RASEF: variants seen among roughly 807,000 people sequenced by gnomAD.
RASEF encodes RAS and EF-hand domain containing.
RASEF carries 68 observed loss-of-function variants against 90.1 expected under a neutral mutation model. That is an observed-to-expected ratio of 0.75 (90% confidence interval 0.62 to 0.92). The LOEUF (loss-of-function observed/expected upper bound fraction) is 0.92, where lower values mean the gene tolerates loss of function less well. RASEF is among the 40% of genes least tolerant of loss of function. The pLI is 0.00. For synonymous variants in RASEF, 331 were observed against 345.2 expected (o/e 0.96, Z 0.46); for missense variants, 949 against 937.2 (o/e 1.01, Z -0.16).
At chr9:83,201,740 T>C in the RASEF span, among the ~76,000 whole-genome samples, 2 of 152,078 alleles carry the variant, frequency 1.3e-5, no homozygotes, top group Non-Finnish European at 2.9e-5. Flanking sequence ...TAAGGAAAAA[T>C]GCTCAGCAGG....
At chr9:83,154,761 C>G in the RASEF span, among the ~76,000 whole-genome samples, 1 of 152,184 alleles carries the variant, frequency 6.6e-6, no homozygotes, top group South Asian at 2.1e-4. Flanking sequence ...TATTTTCTTC[C>G]TGCTTGCTTT....
chr9:83,195,536 GCCAGGCACTATT>G, the RASEF span, among the ~76,000 whole-genome samples: 1 of 152,116 alleles, frequency 6.6e-6, no homozygotes, highest in African/African-American at 2.4e-5. Flanking sequence ...TCCTACACAT[GCCAGGCACTATT>G]CCAGGCACTA....
intron 3 of RASEF, among the ~76,000 whole-genome samples, chr9:83,022,079 C>T (rs1829455098): frequency 6.6e-6 from 1 of 152,152 alleles, no homozygotes; most frequent in Non-Finnish European, 1.5e-5. Context: ...GCCTCCTCCC[C>T]CAGTCACTAT....
chr9:83,070,888 G>A, the RASEF span, among the ~76,000 whole-genome samples: 1 of 152,084 alleles, frequency 6.6e-6, no homozygotes, highest in African/African-American at 2.4e-5. Context: ...TGCTATTGTA[G>A]AAGACATAAC....
the RASEF span, among the ~76,000 whole-genome samples, chr9:83,141,633 T>C: frequency 2.0e-5 from 3 of 152,200 alleles, no homozygotes; most frequent in South Asian, 4.1e-4. Flanking sequence ...CCCAGGCTCC[T>C]CCAGCTCGGT....
intron 16 of RASEF, among the ~76,000 whole-genome samples, chr9:82,986,114 C>T (rs779571869): frequency 6.6e-6 from 1 of 152,178 alleles, no homozygotes; most frequent in Non-Finnish European, 1.5e-5. Context: ...AAAGAGAGGA[C>T]AGTCAGAGAC....
At chr9:83,203,472 C>G in the RASEF span, among the ~76,000 whole-genome samples, 2 of 152,006 alleles carry the variant, frequency 1.3e-5, no homozygotes, top group East Asian at 3.9e-4. Context: ...GACGGGGTTT[C>G]ATCATGTTGG....
the RASEF span, among the ~76,000 whole-genome samples, chr9:83,192,160 A>C: frequency 6.6e-6 from 1 of 152,160 alleles, no homozygotes; most frequent in Non-Finnish European, 1.5e-5. Context: ...TTCCTCAAAG[A>C]CCTAAAAACA....
chr9:83,079,806 A>G, the RASEF span, among the ~76,000 whole-genome samples: 1 of 152,002 alleles, frequency 6.6e-6, no homozygotes, highest in African/African-American at 2.4e-5. Context: ...AAATAAGTGT[A>G]TAGGTAGAAA....
the RASEF span, among the ~76,000 whole-genome samples, chr9:83,115,711 T>C: frequency 3.7e-4 from 57 of 152,328 alleles, no homozygotes; most frequent in Admixed American, 6.5e-4. Flanking sequence ...AAAAGGGAGA[T>C]GCAAATCTCT....
At chr9:83,025,066 G>A (rs921283542) in intron 2 of RASEF, among the ~76,000 whole-genome samples, 2 of 152,206 alleles carry the variant, frequency 1.3e-5, no homozygotes, top group Non-Finnish European at 2.9e-5. Flanking sequence ...GGGGCAAAGA[G>A]GCTGACGTTT....
intron 1 of RASEF, among the ~76,000 whole-genome samples, chr9:83,058,907 C>A (rs1830150971): frequency 6.6e-6 from 1 of 152,178 alleles, no homozygotes; most frequent in Non-Finnish European, 1.5e-5. Flanking sequence ...TGTGAAACAG[C>A]TAACGGTGCT....
At chr9:83,019,013 C>T (rs1829395887) in intron 3 of RASEF, among the ~76,000 whole-genome samples, 1 of 151,836 alleles carries the variant, frequency 6.6e-6, no homozygotes, top group Admixed American at 6.6e-5. Context: ...CAAAATGGAT[C>T]CTGAATTTAA....
At chr9:83,197,628 G>A in the RASEF span, among the ~76,000 whole-genome samples, 1 of 152,184 alleles carries the variant, frequency 6.6e-6, no homozygotes, top group African/African-American at 2.4e-5. Context: ...GACCACAGAT[G>A]CCACGAGTAC....
At chr9:83,143,519 A>G in the RASEF span, among the ~76,000 whole-genome samples, 1 of 152,204 alleles carries the variant, frequency 6.6e-6, no homozygotes, top group Non-Finnish European at 1.5e-5. Flanking sequence ...TAAGACCACA[A>G]TTTAATAATA....
the RASEF span, among the ~76,000 whole-genome samples, chr9:83,192,998 T>A: frequency 6.6e-6 from 1 of 152,212 alleles, no homozygotes; most frequent in East Asian, 1.9e-4. Flanking sequence ...AGCAGTTAAA[T>A]GAATACATCC....
the RASEF span, among the ~76,000 whole-genome samples, chr9:83,099,092 C>T: frequency 2.6e-5 from 4 of 152,196 alleles, no homozygotes; most frequent in Non-Finnish European, 4.4e-5. Context: ...CTCTGTCTTT[C>T]CATATATCTA....
At chr9:83,067,277 C>A (rs1028727144), upstream of RASEF, among the ~76,000 whole-genome samples, 1 of 152,112 alleles carries the variant, frequency 6.6e-6, no homozygotes, top group Non-Finnish European at 1.5e-5. Context: ...AACATACATA[C>A]CCCTGTAAGA....
At chr9:83,091,466 C>T in the RASEF span, among the ~76,000 whole-genome samples, 1 of 151,880 alleles carries the variant, frequency 6.6e-6, no homozygotes, top group East Asian at 1.9e-4. Context: ...GAGGCAGGAG[C>T]AACACTGGGA....
Sources: allele counts gnomAD v4.1 joint callset (sites outside exome capture counted in the v4.1 genomes callset), GRCh38; gene constraint gnomAD v4.1.1; transcripts MANE v1.5; gene names NCBI Gene and HGNC (gene_info 2026-07-23, HGNC 2026-07-21).